Variants in PREX2 observed in about 807,000 individuals in gnomAD.
PREX2 encodes phosphatidylinositol-3,4,5-trisphosphate dependent Rac exchange factor 2, also known as phosphatidylinositol 3,4,5-trisphosphate-dependent Rac exchanger 2 protein.
A neutral mutation model predicts 203.2 loss-of-function variants in PREX2; 107 were observed. The observed-to-expected ratio is 0.53, with a 90% confidence interval of 0.45 to 0.62. The LOEUF is 0.62. Ranked by LOEUF, PREX2 falls within the 20% of genes least tolerant of loss-of-function variation. The pLI is 0.00. For synonymous variants in PREX2, 672 were observed against 663.6 expected (o/e 1.01, Z -0.19); for missense variants, 1,777 against 1,955.9 (o/e 0.91, Z 1.72).
intron 22 of PREX2, among the ~76,000 whole-genome samples, chr8:68,098,976 A>ATATATATATC (rs1450847535): frequency 7.7e-6 from 1 of 129,776 alleles, no homozygotes; most frequent in African/African-American, 2.8e-5. Flanking sequence ...ATATATATAT[A>ATATATATATC]TCTCACATAA....
intron 23 of PREX2, among the ~76,000 whole-genome samples, chr8:68,107,274 A>G (rs1040727339): frequency 2.0e-5 from 3 of 152,050 alleles, no homozygotes; most frequent in African/African-American, 4.8e-5. Flanking sequence ...AAAGGGTCAG[A>G]GTGAGTAGAT....
At chr8:68,096,592 C>T (rs1199803568) in intron 21 of PREX2, among the ~76,000 whole-genome samples, 6 of 152,152 alleles carry the variant, frequency 3.9e-5, no homozygotes, top group Non-Finnish European at 7.3e-5. Flanking sequence ...TCTTGCATCT[C>T]CTTTCTGCTT....
chr8:68,135,099 T>TTGTGTGTG lies in PREX2; in HGVS notation c.3984+842_3984+849dup, dbSNP rs9298129. On this transcript the variant is annotated intron_variant, in intron 32 of 39. Coordinates refer to ENST00000288368, the MANE Select transcript of PREX2 (RefSeq NM_024870.4). ...ACATGTTTGAGCTTAAAAACAAATT[T>TTGTGTGTG]TGTGTGTGTGTGTGTGTGTGTGTGT... Among the ~76,000 whole-genome samples, 297 of 148,886 alleles carry TTGTGTGTG rather than the reference T, an allele frequency of 2.0e-3. 1 individual carries two copies. Among genetic ancestry groups the TTGTGTGTG allele is most frequent in the Middle Eastern group, 7.0e-3 (2 of 286 alleles).
At chr8:68,190,691 C>T (rs1563580523) in intron 35 of PREX2, among the ~76,000 whole-genome samples, 1 of 151,722 alleles carries the variant, frequency 6.6e-6, no homozygotes, top group Non-Finnish European at 1.5e-5. Flanking sequence ...GCCCAAATCC[C>T]ACCATTATGT....
At chr8:68,047,095 A>AC (rs1808373886) in intron 8 of PREX2, among the ~76,000 whole-genome samples, 1 of 151,972 alleles carries the variant, frequency 6.6e-6, no homozygotes, top group Admixed American at 6.6e-5. Context: ...ATAGAGAAGG[A>AC]CCAAGTGGAG....
intron 34 of PREX2, among the ~76,000 whole-genome samples, chr8:68,154,628 T>C (rs1197430222): frequency 6.6e-6 from 1 of 152,250 alleles, no homozygotes; most frequent in East Asian, 1.9e-4. Context: ...TTTTATTTCC[T>C]GTGTGTATTC....
intron 23 of PREX2, among the ~76,000 whole-genome samples, chr8:68,106,839 A>T (rs1728669331): frequency 6.6e-6 from 1 of 152,204 alleles, no homozygotes; most frequent in African/African-American, 2.4e-5. Context: ...GAATATAGAC[A>T]TTATTTAATC....
chr8:68,028,763 C>A (rs1053213361), intron 5 of PREX2, among the ~76,000 whole-genome samples: 11 of 151,922 alleles, frequency 7.2e-5, no homozygotes, highest in Non-Finnish European at 1.5e-4. Flanking sequence ...ATTTTGGAAT[C>A]CCAGGGGATT....
At chr8:67,970,488 A>G (rs368225248) in intron 1 of PREX2, among the ~76,000 whole-genome samples, 5 of 152,154 alleles carry the variant, frequency 3.3e-5, no homozygotes, top group South Asian at 2.1e-4. Flanking sequence ...TGATGGAACT[A>G]ATTTTCAAAT....
intron 35 of PREX2, among the ~76,000 whole-genome samples, chr8:68,158,598 T>A (rs947934478): frequency 7.9e-5 from 12 of 152,042 alleles, no homozygotes; most frequent in Non-Finnish European, 1.5e-4. Flanking sequence ...AGCTCTAGGG[T>A]GTGGGTTGTA....
At chr8:68,038,085 G>T (rs1808087575) in intron 6 of PREX2, 74 bp from the exon 7 acceptor site, 3 of 1,470,850 alleles carry the variant, frequency 2.0e-6, no homozygotes, top group Admixed American at 1.9e-5. Flanking sequence ...AACCATAATT[G>T]TAAGTCGAAA....
chr8:68,209,086 A>G (rs1184475055), intron 37 of PREX2, among the ~76,000 whole-genome samples: 9 of 151,360 alleles, frequency 5.9e-5, no homozygotes, highest in Non-Finnish European at 7.4e-5. Flanking sequence ...AAAAAAAAAA[A>G]AAAAGAAAGA....
chr8:68,194,707 A>G (rs558953863), intron 37 of PREX2, among the ~76,000 whole-genome samples: 150 of 152,074 alleles, frequency 9.9e-4, no homozygotes, highest in Non-Finnish European at 1.9e-3. Flanking sequence ...AGGCTGAGGC[A>G]GGAGAATCGC....
chr8:68,121,186 G>A (rs1418380343), intron 30 of PREX2, 137 bp downstream of exon 30: 11 of 876,584 alleles, frequency 1.3e-5, no homozygotes, highest in Non-Finnish European at 2.0e-5. Flanking sequence ...TACTGAAAAT[G>A]GTGAGGGAGG....
At chr8:68,130,983 G>A (rs1259042895) in intron 31 of PREX2, among the ~76,000 whole-genome samples, 2 of 152,206 alleles carry the variant, frequency 1.3e-5, no homozygotes, top group African/African-American at 4.8e-5. Flanking sequence ...GAAGGACAAG[G>A]GCATGCAATG....
At chr8:68,004,987 T>C (rs953481996) in intron 1 of PREX2, among the ~76,000 whole-genome samples, 8 of 152,192 alleles carry the variant, frequency 5.3e-5, no homozygotes, top group African/African-American at 9.7e-5. Flanking sequence ...TTAAATAATT[T>C]TGAGAAATGG....
At chr8:68,065,789 T>G (rs955498700) in intron 11 of PREX2, among the ~76,000 whole-genome samples, 1 of 152,190 alleles carries the variant, frequency 6.6e-6, no homozygotes, top group Non-Finnish European at 1.5e-5. Flanking sequence ...TGACTTTTAC[T>G]TTGAGGTTTT....
intron 3 of PREX2, among the ~76,000 whole-genome samples, chr8:68,020,076 A>G (rs1337924569): frequency 6.6e-6 from 1 of 151,940 alleles, no homozygotes; most frequent in East Asian, 1.9e-4. Context: ...TTGTTAATCA[A>G]CTTGTGACAA....
chr8:68,128,762 G>C (rs1396693953), intron 31 of PREX2, among the ~76,000 whole-genome samples: 3 of 152,178 alleles, frequency 2.0e-5, no homozygotes, highest in African/African-American at 7.2e-5. Flanking sequence ...TAGAGACATA[G>C]ATTCTACTTT....
Sources: gnomAD v4.1 joint callset for allele counts (sites outside exome capture counted in the v4.1 genomes callset) on GRCh38, gnomAD v4.1.1 for gene constraint, MANE v1.5 for transcripts, NCBI Gene and HGNC (gene_info 2026-07-23, HGNC 2026-07-21) for gene names.